Variants in C12orf42 observed in about 807,000 individuals in gnomAD.
The protein encoded by C12orf42 is chromosome 12 open reading frame 42.
A neutral mutation model predicts 21.6 loss-of-function variants in C12orf42; 25 were observed. The ratio of observed to expected loss-of-function variants is 1.16; its 90% CI spans 0.84 to 1.62. The LOEUF (loss-of-function observed/expected upper bound fraction) is 1.62, where lower values mean the gene tolerates loss of function less well. Among genes scored for constraint, C12orf42 ranks in the 40% most tolerant of loss-of-function variants. C12orf42 has a pLI of 0.00. For synonymous variants in C12orf42, 174 were observed against 175.0 expected (o/e 0.99, Z 0.05); for missense variants, 483 against 459.3 (o/e 1.05, Z -0.47).
the C12orf42 span, among the ~76,000 whole-genome samples, chr12:103,110,931 C>T: frequency 6.6e-6 from 1 of 152,106 alleles, no homozygotes; most frequent in Non-Finnish European, 1.5e-5. Flanking sequence ...GTACTTGGTA[C>T]CTGTTAGAAG....
intron 2 of C12orf42, among the ~76,000 whole-genome samples, chr12:103,409,483 G>C (rs1452156382): frequency 6.6e-6 from 1 of 152,160 alleles, no homozygotes; most frequent in Non-Finnish European, 1.5e-5. Context: ...GCAGAAGTTA[G>C]ATTTACAATG....
chr12:103,202,488 A>T, the C12orf42 span, among the ~76,000 whole-genome samples: 1 of 152,226 alleles, frequency 6.6e-6, no homozygotes, highest in African/African-American at 2.4e-5. Flanking sequence ...TCCACTTAAC[A>T]GAAGACCATT....
At chr12:103,180,284 G>T in the C12orf42 span, among the ~76,000 whole-genome samples, 2 of 152,108 alleles carry the variant, frequency 1.3e-5, no homozygotes, top group African/African-American at 4.8e-5. Context: ...GAGGAGGGGA[G>T]AAAATTAGGT....
At chr12:103,152,413 C>A in the C12orf42 span, among the ~76,000 whole-genome samples, 1 of 152,182 alleles carries the variant, frequency 6.6e-6, no homozygotes, top group Non-Finnish European at 1.5e-5. Flanking sequence ...ATATTGCAGA[C>A]CTTCCTGAGA....
chr12:103,409,470 C>T (rs565481879), intron 2 of C12orf42, among the ~76,000 whole-genome samples: 254 of 152,168 alleles, frequency 1.7e-3, no homozygotes, highest in Non-Finnish European at 2.5e-3. Context: ...AACAATAGGA[C>T]GGGCAGAAGT....
downstream of C12orf42, among the ~76,000 whole-genome samples, chr12:103,301,460 AT>A (rs2037644427): frequency 6.6e-6 from 1 of 152,216 alleles, no homozygotes; most frequent in East Asian, 1.9e-4. Context: ...ATTGCCTAAA[AT>A]TACCAGTTTG....
At chr12:103,165,220 T>C in the C12orf42 span, among the ~76,000 whole-genome samples, 1 of 152,202 alleles carries the variant, frequency 6.6e-6, no homozygotes, top group Non-Finnish European at 1.5e-5. Context: ...TCAAGAAGCA[T>C]CAACCAATTA....
chr12:103,388,045 T>A (rs2046760819), intron 3 of C12orf42, among the ~76,000 whole-genome samples: 1 of 152,218 alleles, frequency 6.6e-6, no homozygotes. Context: ...AATTCAGAAT[T>A]TAAACCCAAT....
At chr12:103,449,135 A>ACACC (rs1309578358) in intron 2 of C12orf42, among the ~76,000 whole-genome samples, 1 of 152,016 alleles carries the variant, frequency 6.6e-6, no homozygotes, top group African/African-American at 2.4e-5. Context: ...AGATAGACAG[A>ACACC]CACCATGGAA....
At chr12:103,076,992 A>G in the C12orf42 span, among the ~76,000 whole-genome samples, 1 of 152,232 alleles carries the variant, frequency 6.6e-6, no homozygotes. Context: ...CAGCCAGTCA[A>G]TTAATTAAAA....
chr12:103,334,126 G>T (rs903329178), intron 4 of C12orf42, among the ~76,000 whole-genome samples: 1 of 152,064 alleles, frequency 6.6e-6, no homozygotes, highest in Non-Finnish European at 1.5e-5. Context: ...TGTAAAATCC[G>T]AAAAGCATCC....
chr12:103,068,271 TATC>T, the C12orf42 span, among the ~76,000 whole-genome samples: 1 of 152,326 alleles, frequency 6.6e-6, no homozygotes, highest in East Asian at 1.9e-4. Context: ...TTTTCTCCTT[TATC>T]ATGTGACATC....
At chr12:103,068,061 T>C in the C12orf42 span, among the ~76,000 whole-genome samples, 2 of 152,108 alleles carry the variant, frequency 1.3e-5, no homozygotes, top group Non-Finnish European at 2.9e-5. Flanking sequence ...AAAAAAAGCA[T>C]GACCTGCTGA....
chr12:103,501,968 T>C, the C12orf42 span, among the ~76,000 whole-genome samples: 1 of 152,290 alleles, frequency 6.6e-6, no homozygotes, highest in East Asian at 1.9e-4. Flanking sequence ...TGCGCTACAT[T>C]GAAAGCAATA....
intron 3 of C12orf42, among the ~76,000 whole-genome samples, chr12:103,400,201 C>T (rs557950455): frequency 2.5e-4 from 38 of 152,276 alleles, no homozygotes; most frequent in African/African-American, 8.7e-4. Flanking sequence ...TAGGACTGCA[C>T]TCACTTCCCC....
the C12orf42 span, among the ~76,000 whole-genome samples, chr12:103,218,452 C>G: frequency 6.6e-6 from 1 of 152,200 alleles, no homozygotes; most frequent in African/African-American, 2.4e-5. Flanking sequence ...TCCCTGTACA[C>G]TCTTTGACCT....
intron 1 of C12orf42, among the ~76,000 whole-genome samples, chr12:103,486,489 A>C (rs183534796): frequency 9.6e-4 from 146 of 152,110 alleles, no homozygotes; most frequent in Non-Finnish European, 1.8e-3. Flanking sequence ...TGAGTTAGGG[A>C]GGATTCCCTC....
intron 2 of C12orf42, among the ~76,000 whole-genome samples, chr12:103,408,503 G>T (rs1013672135): frequency 2.0e-5 from 3 of 152,068 alleles, no homozygotes; most frequent in Non-Finnish European, 4.4e-5. Flanking sequence ...AGGATGAAAA[G>T]TTTCTTTTTA....
intron 10 of C12orf42, among the ~76,000 whole-genome samples, chr12:103,238,834 G>A (rs970963504): frequency 6.6e-6 from 1 of 152,178 alleles, no homozygotes; most frequent in Non-Finnish European, 1.5e-5. Context: ...AACAGCCAGC[G>A]ACGTGGTCTG....
Sources: gnomAD v4.1 joint callset for allele counts (sites outside exome capture counted in the v4.1 genomes callset) on GRCh38, gnomAD v4.1.1 for gene constraint, MANE v1.5 for transcripts, NCBI Gene and HGNC (gene_info 2026-07-23, HGNC 2026-07-21) for gene names.